KCNIP4: variants seen among roughly 807,000 people sequenced by gnomAD.
The protein encoded by KCNIP4 is potassium voltage-gated channel interacting protein 4.
A neutral mutation model predicts 34.0 loss-of-function variants in KCNIP4; 12 were observed. The ratio of observed to expected loss-of-function variants is 0.35; its 90% CI spans 0.23 to 0.57. The LOEUF (loss-of-function observed/expected upper bound fraction) is 0.57, where lower values mean the gene tolerates loss of function less well. Ranked by LOEUF, KCNIP4 falls within the 20% of genes least tolerant of loss-of-function variation. KCNIP4 has a pLI of 0.83. For missense variants in KCNIP4, 238 were observed against 311.7 expected, an observed-to-expected ratio of 0.76 and a Z score of 1.78; for synonymous variants, 124 against 102.2, an observed-to-expected ratio of 1.21 and a Z score of -1.29.
At chr4:20,797,386 C>G (rs976905334) in intron 3 of KCNIP4, among the ~76,000 whole-genome samples, 7 of 152,160 alleles carry the variant, frequency 4.6e-5, no homozygotes, top group African/African-American at 1.7e-4. Flanking sequence ...TCTACTGCAA[C>G]AGTCTTCCAT....
intron 1 of KCNIP4, among the ~76,000 whole-genome samples, chr4:21,186,696 G>A (rs1269403306): frequency 6.6e-6 from 1 of 152,170 alleles, no homozygotes; most frequent in African/African-American, 2.4e-5. Context: ...CCAGGCTAAA[G>A]TGCAGTGGTG....
chr4:21,200,776 C>T lies in KCNIP4; in HGVS notation c.62-318067G>A, dbSNP rs551053124. Among the ~76,000 whole-genome samples, 5 of 151,842 alleles carry T rather than the reference C, an allele frequency of 3.3e-5. No homozygotes were observed. The East Asian group carries it at 9.7e-4, about 29-fold the overall frequency. ...ATGTAACAAAAAACCACTTGTACCC[C>T]TAAAGCTACTGAAATAAAAAAAATA... is the stretch of plus-strand genomic sequence containing the variant. On this transcript the variant is annotated intron_variant, in intron 1 of 8. Transcript: ENST00000382152.
chr4:21,090,520 G>A, intron 1 of KCNIP4, among the ~76,000 whole-genome samples: 1 of 152,090 alleles, frequency 6.6e-6, no homozygotes, highest in East Asian at 1.9e-4. Flanking sequence ...TCTAAAGACT[G>A]TTTAAAAACA....
chr4:21,065,576 C>T (rs1744278115), intron 1 of KCNIP4, among the ~76,000 whole-genome samples: 1 of 151,548 alleles, frequency 6.6e-6, no homozygotes. Context: ...TCTACAAGCA[C>T]AAATAACATG....
chr4:20,987,031 G>A (rs1736641655), intron 1 of KCNIP4, among the ~76,000 whole-genome samples: 1 of 152,160 alleles, frequency 6.6e-6, no homozygotes, highest in Non-Finnish European at 1.5e-5. Flanking sequence ...ATTTTGTAAG[G>A]TGACAGCACC....
At chr4:20,851,774 C>T (rs1372127728) in intron 2 of KCNIP4, among the ~76,000 whole-genome samples, 1 of 152,132 alleles carries the variant, frequency 6.6e-6, no homozygotes, top group Non-Finnish European at 1.5e-5. Context: ...ATATAACAAC[C>T]ACTAGTTATA....
intron 1 of KCNIP4, among the ~76,000 whole-genome samples, chr4:20,993,089 A>C (rs1316795584): frequency 6.6e-6 from 1 of 151,646 alleles, no homozygotes; most frequent in East Asian, 1.9e-4. Context: ...TGCCTACCAG[A>C]ATGCAGGGCA....
chr4:20,897,871 C>A (rs905197375), intron 1 of KCNIP4, among the ~76,000 whole-genome samples: 1 of 152,088 alleles, frequency 6.6e-6, no homozygotes, highest in Non-Finnish European at 1.5e-5. Context: ...CATTTTCTTA[C>A]GGCAGCCTAT....
At chr4:21,649,980 T>C (rs867192100) in intron 1 of KCNIP4, among the ~76,000 whole-genome samples, 1 of 152,240 alleles carries the variant, frequency 6.6e-6, no homozygotes, top group African/African-American at 2.4e-5. Flanking sequence ...CACAAATCTT[T>C]GGCCTTTCCA....
At chr4:21,338,295 T>A (rs1477116748) in intron 1 of KCNIP4, among the ~76,000 whole-genome samples, 2 of 148,468 alleles carry the variant, frequency 1.3e-5, no homozygotes, top group Admixed American at 6.8e-5. Context: ...AAAGACTTTG[T>A]ATTTTTATCC....
At chr4:20,940,783 C>CTG (rs1413876827) in intron 1 of KCNIP4, among the ~76,000 whole-genome samples, 1 of 152,138 alleles carries the variant, frequency 6.6e-6, no homozygotes, top group Non-Finnish European at 1.5e-5. Flanking sequence ...CTTTGAACTA[C>CTG]CTTTGTCCAT....
intron 1 of KCNIP4, among the ~76,000 whole-genome samples, chr4:21,821,022 C>A (rs1426951175): frequency 1.3e-5 from 2 of 152,098 alleles, no homozygotes; most frequent in Non-Finnish European, 2.9e-5. Flanking sequence ...GCAATTCATA[C>A]CATGTACCTT....
intron 1 of KCNIP4, among the ~76,000 whole-genome samples, chr4:21,748,288 T>C (rs1000131154): frequency 6.6e-6 from 1 of 152,126 alleles, no homozygotes; most frequent in Non-Finnish European, 1.5e-5. Flanking sequence ...TGCTACAACT[T>C]TCCACTAGGC....
Position 20,729,650 on chromosome 4 carries a change from ATTAAT to A in KCNIP4, c.*427_*431del, listed in dbSNP as rs141479728. ...GGAATTACAGCATTCAAACATGAAA[ATTAAT>A]TTAATTTCTGGAAATTAAATGCAGA... On this transcript the variant is annotated 3_prime_UTR_variant, in exon 9 of 9. Coordinates refer to ENST00000382152, the MANE Select transcript of KCNIP4 (RefSeq NM_025221.6). The A allele has an allele frequency of 0.047, 7,187 of 153,416 alleles. 207 individuals carry two copies. Among genetic ancestry groups the A allele is most frequent in the Middle Eastern group, 0.06 (18 of 298 alleles). The allele number at this position is 153,416 out of a possible 1,614,324, so 9.5% of individuals were successfully genotyped here. A position where few individuals can be genotyped will look rare whatever the true frequency, so the allele number is the denominator to read the frequency against.
intron 1 of KCNIP4, among the ~76,000 whole-genome samples, chr4:21,936,368 G>C (rs949388260): frequency 6.6e-6 from 1 of 152,086 alleles, no homozygotes; most frequent in African/African-American, 2.4e-5. Context: ...ATGTGGTTTT[G>C]CTCTTCCTTG....
intron 1 of KCNIP4, among the ~76,000 whole-genome samples, chr4:21,600,034 A>G (rs1742979028): frequency 6.6e-6 from 1 of 152,066 alleles, no homozygotes; most frequent in Admixed American, 6.6e-5. Context: ...ATCACATCTT[A>G]AGAAGTATTG....
chr4:21,096,486 C>A (rs1288350886), intron 1 of KCNIP4, among the ~76,000 whole-genome samples: 1 of 152,090 alleles, frequency 6.6e-6, no homozygotes, highest in East Asian at 1.9e-4. Context: ...TAGGGTCCTT[C>A]AGTTTTTTTA....
At chr4:20,948,750 C>T (rs986904147) in intron 1 of KCNIP4, among the ~76,000 whole-genome samples, 4 of 152,076 alleles carry the variant, frequency 2.6e-5, no homozygotes, top group African/African-American at 4.8e-5. Context: ...GAGATGACTC[C>T]CTTTGTTTTG....
chr4:20,780,322 A>C (rs756377555), intron 3 of KCNIP4, among the ~76,000 whole-genome samples: 5 of 152,184 alleles, frequency 3.3e-5, no homozygotes, highest in Admixed American at 6.5e-5. Flanking sequence ...TGAAAAGTGG[A>C]ATGGAAAAGA....
Sources: gnomAD v4.1 joint callset for allele counts (sites outside exome capture counted in the v4.1 genomes callset) on GRCh38, gnomAD v4.1.1 for gene constraint, MANE v1.5 for transcripts, NCBI Gene and HGNC (gene_info 2026-07-23, HGNC 2026-07-21) for gene names.